Variants in PDPK1 observed in about 807,000 individuals in gnomAD.
PDPK1 encodes 3-phosphoinositide-dependent protein kinase 1.
A neutral mutation model predicts 39.8 loss-of-function variants in PDPK1; 7 were observed. The ratio of observed to expected loss-of-function variants is 0.18; its 90% CI spans 0.10 to 0.33. The LOEUF (loss-of-function observed/expected upper bound fraction) is 0.33, where lower values mean the gene tolerates loss of function less well. Among genes scored for constraint, PDPK1 ranks in the 10% least tolerant of loss-of-function variants. The pLI, the probability that PDPK1 is intolerant of heterozygous loss-of-function variation, is 1.00. For synonymous variants in PDPK1, 118 were observed against 159.1 expected (o/e 0.74, Z 1.95); for missense variants, 182 against 384.7 (o/e 0.47, Z 4.41).
intron 1 of PDPK1, among the ~76,000 whole-genome samples, chr16:2,553,015 C>T (rs1398661455): frequency 6.9e-6 from 1 of 145,656 alleles, no homozygotes; most frequent in East Asian, 2.0e-4. Context: ...AGCTCCCCGC[C>T]TTCCCTTGGG....
intron 11 of PDPK1, chr16:2,594,264 GC>G (rs1177076386): frequency 6.6e-6 from 1 of 152,436 alleles, no homozygotes; most frequent in Non-Finnish European, 1.5e-5. Flanking sequence ...CATATTATTG[GC>G]CGGGGGTGGT....
At chr16:2,538,725 G>A (rs1370110639) in intron 1 of PDPK1, 20 of 1,286,146 alleles carry the variant, frequency 1.6e-5, no homozygotes, top group Non-Finnish European at 1.8e-5. Context: ...GGAAGCCCCT[G>A]GGAGGCCGAA....
chr16:2,597,954 C>G lies in PDPK1; in HGVS notation c.*187C>G, dbSNP rs776687154. On this transcript the variant is annotated 3_prime_UTR_variant, in exon 14 of 14. Transcript: ENST00000342085. The surrounding 1 kb of genome is among the most constrained non-coding windows in gnomAD (Gnocchi z 6.3). ...CACCCAACCACACAAAGAACAAAAC[C>G]AGTAACAAACACAAAGGAATTCAGG... 1.7e-6 allele frequency: 1 copy of G among 586,006 alleles called. No individual in the cohort carries two copies. Among genetic ancestry groups the G allele is most frequent in the Non-Finnish European group, 3.0e-6 (1 of 329,666 alleles). 36.3% of individuals were successfully genotyped at this position (586,006 alleles called of 1,614,324 possible). A position where few individuals can be genotyped will look rare whatever the true frequency, so the allele number is the denominator to read the frequency against.
intron 7 of PDPK1, among the ~76,000 whole-genome samples, chr16:2,578,203 G>A (rs1223761518): frequency 2.1e-5 from 3 of 145,804 alleles, no homozygotes; most frequent in Non-Finnish European, 4.5e-5. Context: ...CCCGCAGAGC[G>A]CAGGGAGGCC....
chr16:2,596,196 T>G (rs902323897), intron 12 of PDPK1, among the ~76,000 whole-genome samples: 1 of 152,172 alleles, frequency 6.6e-6, no homozygotes. Context: ...GGGTTGTTCT[T>G]TATTTTTTTC....
Position 2,555,779 on chromosome 16 carries a change from AGT to A in PDPK1, c.25-1922_25-1921del, listed in dbSNP as rs548734119. The A allele has an allele frequency of 8.3e-3, 305 of 36,816 alleles. 2 individuals carry two copies. Among genetic ancestry groups the A allele is most frequent in the African/African-American group, 0.045 (288 of 6,374 alleles). The allele number at this position is 36,816 out of a possible 1,614,324, so 2.3% of individuals were successfully genotyped here. On this transcript the variant is annotated intron_variant, in intron 1 of 13. Coordinates refer to ENST00000342085, the MANE Select transcript of PDPK1 (RefSeq NM_002613.5). ...TGAGTGTGATCCTCCCTGCTCTTGC[AGT>A]GCCATCTAAGCTGTCATCAGTTTTC...
Position 2,538,111 on chromosome 16 carries a change from C to A in PDPK1, c.-2C>A. ...GGAGGCGCCCGCGCCGACGCGGGGCCCATGGCCAGGACCACCAGCCAGCTG... is the reference window on the plus strand; with the variant it reads ...GGAGGCGCCCGCGCCGACGCGGGGCACATGGCCAGGACCACCAGCCAGCTG... On this transcript the variant is annotated 5_prime_UTR_variant, in exon 1 of 14. Coordinates refer to ENST00000342085, the MANE Select transcript of PDPK1 (RefSeq NM_002613.5). 3 of 1,065,028 alleles carry A rather than the reference C, an allele frequency of 2.8e-6. No individual in the cohort carries two copies. Among genetic ancestry groups the A allele is most frequent in the Non-Finnish European group, 3.4e-6 (3 of 880,716 alleles). 66.0% of individuals were successfully genotyped at this position (1,065,028 alleles called of 1,614,324 possible).
chr16:2,597,245 C>T lies in PDPK1; in HGVS notation c.1524C>T (p.Ala508=). The change falls in exon 13 of 14, where the codon GCC becomes GCT. Residue 508 remains alanine, a synonymous_variant. Coordinates refer to ENST00000342085, the MANE Select transcript of PDPK1 (RefSeq NM_002613.5). The surrounding 1 kb of genome is among the most constrained non-coding windows in gnomAD (Gnocchi z 6.3). ...IPWSQELRPE[A]KNFKTFFVHT... ...GGTCACAAGAACTTCGACCAGAGGCCAAGAATTTTAAAACTTTCTTTGTCC... is the reference window on the plus strand; with the variant it reads ...GGTCACAAGAACTTCGACCAGAGGCTAAGAATTTTAAAACTTTCTTTGTCC... 2.5e-6 allele frequency: 4 copies of T among 1,595,026 alleles called. No homozygotes were observed. The South Asian group carries it at 3.3e-5, about 13-fold the overall frequency.
At chr16:2,586,645 T>C (rs747359873) in intron 10 of PDPK1, 31 bp from the exon 11 acceptor site, 14 of 1,590,258 alleles carry the variant, frequency 8.8e-6, no homozygotes, top group Non-Finnish European at 1.1e-5. Context: ...CAAGTGAAGG[T>C]GCGGTTCTCA....
chr16:2,546,807 G>A (rs1384738385), intron 1 of PDPK1, among the ~76,000 whole-genome samples: 1 of 152,072 alleles, frequency 6.6e-6, no homozygotes, highest in East Asian at 1.9e-4. Context: ...GTGGGTGGGT[G>A]CAGCCACCTG....
intron 11 of PDPK1, among the ~76,000 whole-genome samples, chr16:2,591,166 T>C (rs553999274): frequency 6.6e-6 from 1 of 152,248 alleles, no homozygotes; most frequent in Non-Finnish European, 1.5e-5. Flanking sequence ...TTTCACCATA[T>C]TGGTCAGGCT....
In PDPK1 at chr16:2,599,869, T is replaced by C; in HGVS notation, c.*2102T>C. Reference sequence around the variant, plus strand: ...CGGCTGGGCTGCTTGGGGAGACTCTTCCGTGCGTTCTTCCTCTGGATAGAA... The same window carrying C: ...CGGCTGGGCTGCTTGGGGAGACTCTCCCGTGCGTTCTTCCTCTGGATAGAA... On this transcript the variant is annotated 3_prime_UTR_variant, in exon 14 of 14. Transcript: ENST00000342085. The C allele has an allele frequency of 4.3e-6, 1 of 233,788 alleles. No individual in the cohort carries two copies. Among genetic ancestry groups the C allele is most frequent in the Non-Finnish European group, 8.4e-6 (1 of 118,440 alleles). The allele number at this position is 233,788 out of a possible 1,614,324, so 14.5% of individuals were successfully genotyped here.
At chr16:2,576,010 C>G (rs1397093394) in intron 6 of PDPK1, 3 of 143,862 alleles carry the variant, frequency 2.1e-5, no homozygotes, top group Non-Finnish European at 4.5e-5. Context: ...ACAGAAACGC[C>G]GAATATGTAG....
chr16:2,591,178 G>A (rs2066983324), intron 11 of PDPK1, among the ~76,000 whole-genome samples: 1 of 152,124 alleles, frequency 6.6e-6, no homozygotes, highest in Non-Finnish European at 1.5e-5. Context: ...GGTCAGGCTG[G>A]TCTCAAACTC....
chr16:2,592,013 C>T (rs2066999179), intron 11 of PDPK1, among the ~76,000 whole-genome samples: 1 of 152,220 alleles, frequency 6.6e-6, no homozygotes, highest in African/African-American at 2.4e-5. Context: ...CTGGCTCCCG[C>T]CCTTACTGGC....
intron 11 of PDPK1, among the ~76,000 whole-genome samples, chr16:2,595,513 C>A (rs1426464638): frequency 6.6e-6 from 1 of 152,236 alleles, no homozygotes; most frequent in Non-Finnish European, 1.5e-5. Context: ...GGTCCTCCCC[C>A]ACCTTTTCCC....
intron 1 of PDPK1, among the ~76,000 whole-genome samples, chr16:2,552,356 A>G (rs2066430747): frequency 6.6e-6 from 1 of 151,262 alleles, no homozygotes; most frequent in East Asian, 1.9e-4. Flanking sequence ...TCTTATATAC[A>G]TATTTTATGA....
intron 11 of PDPK1, 85 bp from the exon 12 acceptor site, chr16:2,595,708 T>C (rs2067087338): frequency 1.9e-6 from 2 of 1,078,628 alleles, no homozygotes; most frequent in Admixed American, 1.7e-5. Context: ...GCCGAGGCTA[T>C]GGGGAGTTCG....
At chr16:2,596,079 G>A (rs188958796) in intron 12 of PDPK1, among the ~76,000 whole-genome samples, 40 of 152,370 alleles carry the variant, frequency 2.6e-4, no homozygotes, top group Middle Eastern at 6.8e-3. Context: ...ACACTCCTGG[G>A]AGCCTGGGGC....
Sources: allele counts gnomAD v4.1 joint callset (sites outside exome capture counted in the v4.1 genomes callset), GRCh38; gene constraint gnomAD v4.1.1; non-coding constraint Gnocchi (gnomAD v3.1); transcripts MANE v1.5; gene names NCBI Gene and HGNC (gene_info 2026-07-23, HGNC 2026-07-21).